GNAO1: variants seen among roughly 807,000 people sequenced by gnomAD.
GNAO1 encodes G protein subunit alpha o1.
For missense variants in GNAO1, 166 were observed against 478.7 expected, an observed-to-expected ratio of 0.35 and a Z score of 6.10; for synonymous variants, 164 against 180.7, an observed-to-expected ratio of 0.91 and a Z score of 0.74.
chr16:56,308,635 G>C (rs2037421492), intron 3 of GNAO1, among the ~76,000 whole-genome samples: 1 of 152,188 alleles, frequency 6.6e-6, no homozygotes, highest in African/African-American at 2.4e-5. Flanking sequence ...GAAGGGGTTT[G>C]AGGACTGAGT....
intron 3 of GNAO1, among the ~76,000 whole-genome samples, chr16:56,304,247 T>G (rs1596853507): frequency 6.6e-6 from 1 of 152,218 alleles, no homozygotes; most frequent in South Asian, 2.1e-4. Flanking sequence ...CGTCTGCTTT[T>G]CTTGATCCTC....
chr16:56,321,851 G>A (rs535400444), intron 3 of GNAO1, among the ~76,000 whole-genome samples: 11 of 152,278 alleles, frequency 7.2e-5, no homozygotes, highest in East Asian at 3.9e-4. Context: ...AGCTCTAGCC[G>A]TCTGCCCCGC....
rs1464565646 is a variant in GNAO1, at chr16:56,328,742, G to A, written c.415G>A (p.Glu139Lys). 1.9e-6 allele frequency: 3 copies of A among 1,614,128 alleles called. No homozygotes were observed. In the African/African-American group the frequency reaches 4.0e-5, roughly 22 times the overall value. The change falls in exon 4 of 9, where the codon GAG becomes AAG. Residue 139 changes from glutamate to lysine, a missense_variant. Physicochemically the swap from Glu to Lys is moderately conservative, Grantham distance 56 (BLOSUM62 1). Transcript: ENST00000262493. ...GCTCTGGGGCGACTCAGGAATCCAA[G>A]AGTGCTTCAACCGGTCCCGGGAGTA... Reference protein sequence around the residue: ...MRLWGDSGIQECFNRSREYQL... With the variant: ...MRLWGDSGIQKCFNRSREYQL...
intron 5 of GNAO1, among the ~76,000 whole-genome samples, 161 bp downstream of exon 5, chr16:56,335,018 T>G (rs2037727335): frequency 6.6e-6 from 1 of 152,272 alleles, no homozygotes. Flanking sequence ...TCTGTGTTTC[T>G]GCCAAGGTTA....
chr16:56,232,784 G>A (rs2036602525), intron 2 of GNAO1, among the ~76,000 whole-genome samples: 1 of 152,144 alleles, frequency 6.6e-6, no homozygotes, highest in Admixed American at 6.6e-5. Flanking sequence ...CCTCAAAAGG[G>A]GTTGGGGTGA....
At chr16:56,344,114 C>G in intron 6 of GNAO1, 2 of 1,450,390 alleles carry the variant, frequency 1.4e-6, no homozygotes, top group Non-Finnish European at 1.8e-6. Context: ...CCGCACCCCC[C>G]AACAGAACTT....
intron 3 of GNAO1, among the ~76,000 whole-genome samples, chr16:56,320,126 C>T (rs896839093): frequency 2.0e-5 from 3 of 152,170 alleles, no homozygotes; most frequent in Admixed American, 1.3e-4. Context: ...TCCTGGCCTC[C>T]TGATCCTAAA....
intron 4 of GNAO1, among the ~76,000 whole-genome samples, chr16:56,330,174 C>T (rs2037675067): frequency 6.6e-6 from 1 of 152,234 alleles, no homozygotes; most frequent in Admixed American, 6.5e-5. Flanking sequence ...GGCCCCCGGG[C>T]CTGATGAGCT....
chr16:56,249,208 T>C (rs963513356), intron 2 of GNAO1, among the ~76,000 whole-genome samples: 5 of 152,034 alleles, frequency 3.3e-5, no homozygotes, highest in Non-Finnish European at 5.9e-5. Flanking sequence ...GAGTAACTGA[T>C]AAAATGGAGG....
intron 3 of GNAO1, among the ~76,000 whole-genome samples, chr16:56,313,540 C>T (rs1165517464): frequency 6.6e-6 from 1 of 152,070 alleles, no homozygotes; most frequent in Non-Finnish European, 1.5e-5. Context: ...GGTTCTCACA[C>T]GTCTCTGCCT....
chr16:56,230,558 G>A (rs897417224), intron 2 of GNAO1, among the ~76,000 whole-genome samples: 6 of 152,130 alleles, frequency 3.9e-5, no homozygotes, highest in Non-Finnish European at 8.8e-5. Flanking sequence ...AGCCTTTATG[G>A]TTTGTTGTAT....
At chr16:56,310,588 G>A (rs2143606112) in intron 3 of GNAO1, among the ~76,000 whole-genome samples, 1 of 152,246 alleles carries the variant, frequency 6.6e-6, no homozygotes, top group African/African-American at 2.4e-5. Flanking sequence ...CAGTCTTATT[G>A]AGAGGGCACT....
At chr16:56,221,314 G>T (rs1017622712) in intron 2 of GNAO1, among the ~76,000 whole-genome samples, 3 of 151,982 alleles carry the variant, frequency 2.0e-5, no homozygotes, top group African/African-American at 7.2e-5. Flanking sequence ...GCAGTCTGGG[G>T]ACCCACCACA....
chr16:56,286,393 A>G (rs991229367), intron 3 of GNAO1, among the ~76,000 whole-genome samples: 7 of 152,244 alleles, frequency 4.6e-5, no homozygotes, highest in Non-Finnish European at 8.8e-5. Context: ...AAAACACAAA[A>G]CAGCCACAGG....
At chr16:56,262,390 C>T (rs1255033872) in intron 2 of GNAO1, among the ~76,000 whole-genome samples, 1 of 152,176 alleles carries the variant, frequency 6.6e-6, no homozygotes, top group Non-Finnish European at 1.5e-5. Flanking sequence ...TCTTAGGTAA[C>T]CTGGGTTTGT....
At chr16:56,292,271 G>T (rs1332193680) in intron 3 of GNAO1, among the ~76,000 whole-genome samples, 2 of 152,124 alleles carry the variant, frequency 1.3e-5, no homozygotes, top group Non-Finnish European at 2.9e-5. Flanking sequence ...TGGATGCCTC[G>T]CAGGCATGGA....
At chr16:56,252,165 A>AT (rs1366242114) in intron 2 of GNAO1, among the ~76,000 whole-genome samples, 1 of 152,230 alleles carries the variant, frequency 6.6e-6, no homozygotes, top group Non-Finnish European at 1.5e-5. Flanking sequence ...CATTGAGAAC[A>AT]TATCTGCAGG....
At chr16:56,266,311 G>A (rs1202277769) in intron 2 of GNAO1, among the ~76,000 whole-genome samples, 1 of 152,190 alleles carries the variant, frequency 6.6e-6, no homozygotes, top group Admixed American at 6.5e-5. Flanking sequence ...TCTCAGGGAT[G>A]GCTGAGCTCT....
intron 2 of GNAO1, among the ~76,000 whole-genome samples, chr16:56,256,961 T>A (rs1371880450): frequency 6.6e-6 from 1 of 152,144 alleles, no homozygotes; most frequent in Non-Finnish European, 1.5e-5. Context: ...TGTTTGAGAA[T>A]GTTGAATCCC....
Sources: gnomAD v4.1 joint callset for allele counts (sites outside exome capture counted in the v4.1 genomes callset) on GRCh38, gnomAD v4.1.1 for gene constraint, MANE v1.5 for transcripts, NCBI Gene and HGNC (gene_info 2026-07-23, HGNC 2026-07-21) for gene names.